The following MACROD2 variants were observed in gnomAD, a reference collection of about 807,000 sequenced individuals.
MACROD2 encodes the protein ADP-ribose glycohydrolase MACROD2.
A neutral mutation model predicts 70.4 loss-of-function variants in MACROD2; 36 were observed. The observed-to-expected ratio is 0.51, with a 90% CI of 0.39 to 0.68. The LOEUF (loss-of-function observed/expected upper bound fraction) is 0.68. MACROD2 is among the 30% of genes least tolerant of loss of function. MACROD2 has a pLI of 0.00. For synonymous variants in MACROD2, 172 were observed against 178.8 expected (o/e 0.96, Z 0.30); for missense variants, 496 against 538.4 (o/e 0.92, Z 0.78).
intron 7 of MACROD2, among the ~76,000 whole-genome samples, chr20:15,479,554 T>A (rs1279498805): frequency 6.6e-6 from 1 of 152,118 alleles, no homozygotes; most frequent in African/African-American, 2.4e-5. Flanking sequence ...ATTACAGGCG[T>A]GAGCCACCGC....
intron 3 of MACROD2, among the ~76,000 whole-genome samples, chr20:14,204,802 C>T (rs1379536485): frequency 6.6e-6 from 1 of 152,092 alleles, no homozygotes; most frequent in Admixed American, 6.5e-5. Flanking sequence ...CTGTTTTGGT[C>T]CTTCTTTGTG....
At chr20:14,595,551 A>G (rs1019502321) in intron 4 of MACROD2, among the ~76,000 whole-genome samples, 3 of 152,196 alleles carry the variant, frequency 2.0e-5, no homozygotes, top group African/African-American at 4.8e-5. Flanking sequence ...CTGTGACTAT[A>G]TAAAATTTCT....
intron 3 of MACROD2, chr20:14,324,464 T>C (rs2082703393): frequency 6.6e-6 from 1 of 152,622 alleles, no homozygotes; most frequent in Non-Finnish European, 1.5e-5. Flanking sequence ...AAATTGAACA[T>C]TTATGTACAG....
At chr20:14,714,228 T>G (rs1197699936) in intron 5 of MACROD2, among the ~76,000 whole-genome samples, 6 of 152,074 alleles carry the variant, frequency 3.9e-5, no homozygotes, top group Non-Finnish European at 7.4e-5. Flanking sequence ...GGGTGCAGGA[T>G]AGAGGACGAG....
intron 4 of MACROD2, among the ~76,000 whole-genome samples, chr20:14,513,957 C>G (rs2085058402): frequency 6.6e-6 from 1 of 152,040 alleles, no homozygotes; most frequent in African/African-American, 2.4e-5. Flanking sequence ...GCTATGCTAT[C>G]TTTTTAAATT....
intron 5 of MACROD2, among the ~76,000 whole-genome samples, chr20:14,807,839 A>G (rs534929780): frequency 1.3e-5 from 2 of 152,258 alleles, no homozygotes; most frequent in South Asian, 4.1e-4. Context: ...AAGAAAGGAT[A>G]TCAGAGATTG....
rs138518841 is a variant in MACROD2, at chr20:14,341,917, A to G, written c.272-151562A>G. Among the ~76,000 whole-genome samples the G allele has an allele frequency of 5.4e-3, 823 of 152,294 alleles. 8 individuals are homozygous for G. The highest frequency in any genetic ancestry group is 0.032 in the South Asian group (155 of 4,826). Reference sequence around the variant, plus strand: ...TCATTGTTGGCAGCCTCCTCAGGCTATATACAGTGGACCTTTGGCAGCTCT... The same window carrying G: ...TCATTGTTGGCAGCCTCCTCAGGCTGTATACAGTGGACCTTTGGCAGCTCT... On this transcript the variant is annotated intron_variant, in intron 3 of 17. Coordinates refer to ENST00000684519, the MANE Select transcript of MACROD2 (RefSeq NM_001351661.2).
intron 3 of MACROD2, among the ~76,000 whole-genome samples, chr20:14,087,208 A>T (rs2054088094): frequency 6.6e-6 from 1 of 152,060 alleles, no homozygotes; most frequent in African/African-American, 2.4e-5. Flanking sequence ...CAGCCTGGCC[A>T]ACATGGTGAA....
At chr20:14,961,903 A>G (rs1211807923) in intron 5 of MACROD2, among the ~76,000 whole-genome samples, 1 of 152,220 alleles carries the variant, frequency 6.6e-6, no homozygotes, top group Non-Finnish European at 1.5e-5. Context: ...TATCAAGAAC[A>G]AGAAATTAAC....
chr20:14,016,298 T>C (rs1254078374), intron 2 of MACROD2, among the ~76,000 whole-genome samples: 1 of 152,236 alleles, frequency 6.6e-6, no homozygotes, highest in Non-Finnish European at 1.5e-5. Context: ...TTCCTTTGTA[T>C]GTTCTGGATA....
chr20:15,024,970 G>A (rs1330211743), intron 5 of MACROD2, among the ~76,000 whole-genome samples: 1 of 152,034 alleles, frequency 6.6e-6, no homozygotes, highest in Non-Finnish European at 1.5e-5. Context: ...TTTAAATCAC[G>A]ATTCTTTATC....
rs569186643 is a variant in MACROD2, at chr20:14,355,371, T to C, written c.272-138108T>C. On this transcript the variant is annotated intron_variant, in intron 3 of 17. Transcript: ENST00000684519. ...GTAAAGTGATAACTTTCTGGAAATA[T>C]GTTGCAAAGACCCCACTAATCCATA... 5.9e-4 allele frequency among the ~76,000 whole-genome samples: 90 copies of C among 152,326 alleles called. 2 individuals carry two copies. In the South Asian group the frequency reaches 0.018, roughly 31 times the overall value.
intron 10 of MACROD2, among the ~76,000 whole-genome samples, chr20:15,931,646 T>TAAA (rs11476734): frequency 7.1e-6 from 1 of 140,876 alleles, no homozygotes; most frequent in South Asian, 2.3e-4. Flanking sequence ...CTGTGTCTAT[T>TAAA]AAAAAAAAAA....
At chr20:15,900,473 G>A (rs1487137020) in intron 10 of MACROD2, among the ~76,000 whole-genome samples, 1 of 152,108 alleles carries the variant, frequency 6.6e-6, no homozygotes, top group Non-Finnish European at 1.5e-5. Flanking sequence ...GGACCCAGTG[G>A]TCTATTTTCA....
At chr20:14,291,166 C>A (rs895592917) in intron 3 of MACROD2, among the ~76,000 whole-genome samples, 3 of 152,022 alleles carry the variant, frequency 2.0e-5, no homozygotes, top group African/African-American at 7.2e-5. Flanking sequence ...TTTGTTTATT[C>A]CTCTGACAAA....
At chr20:15,096,723 G>T (rs938412789) in intron 5 of MACROD2, among the ~76,000 whole-genome samples, 21 of 151,596 alleles carry the variant, frequency 1.4e-4, no homozygotes, top group African/African-American at 4.6e-4. Flanking sequence ...TGTTGACCAG[G>T]CTGGTCTGGA....
intron 2 of MACROD2, among the ~76,000 whole-genome samples, chr20:14,084,195 T>A (rs1229072736): frequency 1.3e-5 from 2 of 152,018 alleles, no homozygotes; most frequent in African/African-American, 4.8e-5. Flanking sequence ...CAAATTTTTT[T>A]TTTTGGGGAG....
At chr20:14,594,340 G>A (rs969625080) in intron 4 of MACROD2, among the ~76,000 whole-genome samples, 1 of 151,966 alleles carries the variant, frequency 6.6e-6, no homozygotes, top group African/African-American at 2.4e-5. Flanking sequence ...AAATTACAAG[G>A]CATTTATGGT....
intron 8 of MACROD2, among the ~76,000 whole-genome samples, chr20:15,682,925 G>A (rs1033363559): frequency 1.3e-5 from 2 of 152,040 alleles, no homozygotes; most frequent in African/African-American, 2.4e-5. Context: ...GAAACTCTAA[G>A]TCATGTCTTC....
Sources: allele counts gnomAD v4.1 joint callset (sites outside exome capture counted in the v4.1 genomes callset), GRCh38; gene constraint gnomAD v4.1.1; transcripts MANE v1.5; gene names NCBI Gene and HGNC (gene_info 2026-07-23, HGNC 2026-07-21).